The following RBFOX1 variants were observed in gnomAD, a reference collection of about 807,000 sequenced individuals.
RBFOX1 encodes RNA binding fox-1 homolog 1, also known as RNA binding protein fox-1 homolog 1.
Under a neutral mutation model 57.7 loss-of-function variants are expected in RBFOX1, and 8 were observed. The ratio of observed to expected loss-of-function variants is 0.14; its 90% CI spans 0.08 to 0.25. The LOEUF (loss-of-function observed/expected upper bound fraction) is 0.25, where lower values mean the gene tolerates loss of function less well. Among genes scored for constraint, RBFOX1 ranks in the 10% least tolerant of loss-of-function variants. The pLI is 1.00. For synonymous variants in RBFOX1, 326 were observed against 222.4 expected, an observed-to-expected ratio of 1.47 and a Z score of -4.15; for missense variants, 611 against 548.5, an observed-to-expected ratio of 1.11 and a Z score of -1.14.
At chr16:7,001,907 CCCCAAA>C (rs1210473929) in intron 3 of RBFOX1, among the ~76,000 whole-genome samples, 1 of 152,094 alleles carries the variant, frequency 6.6e-6, no homozygotes, top group Non-Finnish European at 1.5e-5. Flanking sequence ...AAGCGGGGGT[CCCCAAA>C]ATAGAAGATC....
chr16:7,271,796 T>A (rs569638798), intron 4 of RBFOX1, among the ~76,000 whole-genome samples: 54 of 152,162 alleles, frequency 3.5e-4, no homozygotes, highest in African/African-American at 1.3e-3. Context: ...TAGGCTCTTA[T>A]TGTAAATGTC....
chr16:7,006,061 C>G (rs1240336561), intron 3 of RBFOX1, among the ~76,000 whole-genome samples: 1 of 152,150 alleles, frequency 6.6e-6, no homozygotes, highest in African/African-American at 2.4e-5. Flanking sequence ...TTCTCCTTTG[C>G]AATAGGTAGT....
chr16:5,712,236 G>C (rs1275976134), intron 3 of RBFOX1, among the ~76,000 whole-genome samples: 1 of 152,208 alleles, frequency 6.6e-6, no homozygotes, highest in Non-Finnish European at 1.5e-5. Flanking sequence ...ATTACCATTT[G>C]AGATGATATT....
At chr16:6,920,504 G>A (rs995589835) in intron 3 of RBFOX1, among the ~76,000 whole-genome samples, 1 of 152,214 alleles carries the variant, frequency 6.6e-6, no homozygotes, top group Non-Finnish European at 1.5e-5. Flanking sequence ...AGAGGCTCTT[G>A]TAATTGCCAA....
intron 1 of RBFOX1, among the ~76,000 whole-genome samples, chr16:5,266,600 C>G (rs1206109150): frequency 7.1e-6 from 1 of 140,954 alleles, no homozygotes; most frequent in African/African-American, 2.7e-5. Flanking sequence ...CAGGCTGGAG[C>G]ACAGTGGCAC....
At chr16:5,736,678 C>A (rs753483075) in intron 3 of RBFOX1, among the ~76,000 whole-genome samples, 3 of 152,142 alleles carry the variant, frequency 2.0e-5, no homozygotes, top group African/African-American at 7.2e-5. Context: ...GCTGGTGTCT[C>A]TCAGATTGTC....
At chr16:7,592,044 T>G (rs2094468646) in intron 7 of RBFOX1, among the ~76,000 whole-genome samples, 1 of 151,958 alleles carries the variant, frequency 6.6e-6, no homozygotes, top group Non-Finnish European at 1.5e-5. Context: ...GCCATGCCAC[T>G]TCTTGTCTGG....
chr16:6,869,278 C>A (rs574431096), intron 3 of RBFOX1, among the ~76,000 whole-genome samples: 1 of 152,252 alleles, frequency 6.6e-6, no homozygotes, highest in South Asian at 2.1e-4. Flanking sequence ...CTCATAAGAA[C>A]CTTATCAAGT....
chr16:5,407,874 C>T (rs969566621), intron 1 of RBFOX1, among the ~76,000 whole-genome samples: 1 of 152,176 alleles, frequency 6.6e-6, no homozygotes, highest in Non-Finnish European at 1.5e-5. Context: ...TAACCCAAGT[C>T]CCGTGGGAGG....
At chr16:6,182,500 A>G (rs754442925) in intron 1 of RBFOX1, among the ~76,000 whole-genome samples, 25 of 152,278 alleles carry the variant, frequency 1.6e-4, no homozygotes, top group South Asian at 6.2e-4. Flanking sequence ...ACACGCACAT[A>G]GTCTTCATAT....
At chr16:7,596,186 A>C (rs1395333059) in intron 8 of RBFOX1, among the ~76,000 whole-genome samples, 1 of 132,062 alleles carries the variant, frequency 7.6e-6, no homozygotes, top group African/African-American at 2.9e-5. Context: ...TTTTTTTTTT[A>C]AGAAGCCAGT....
chr16:7,307,013 A>C (rs955802189), intron 4 of RBFOX1, among the ~76,000 whole-genome samples: 1 of 152,218 alleles, frequency 6.6e-6, no homozygotes, highest in Non-Finnish European at 1.5e-5. Context: ...TGGACGAATC[A>C]GGCAACATTT....
rs967314002 is a variant in RBFOX1 at position 6,162,308 on chromosome 16, G to A, written c.-127+142316G>A. ...TTCTTGTATTTTTAGTAGAGACGGG[G>A]TTTCACCATGTTGGCAGGCCAGTCT... On this transcript the variant is annotated intron_variant, in intron 1 of 15. Transcript: ENST00000550418. 3.3e-5 allele frequency among the ~76,000 whole-genome samples: 5 copies of A among 152,084 alleles called. No individual in the cohort carries two copies. In the East Asian group the frequency reaches 9.7e-4, roughly 29 times the overall value.
chr16:7,271,092 G>A (rs1261231445), intron 4 of RBFOX1, among the ~76,000 whole-genome samples: 1 of 152,176 alleles, frequency 6.6e-6, no homozygotes, highest in East Asian at 1.9e-4. Context: ...ACCTGAAATA[G>A]AGTGTATCAC....
intron 3 of RBFOX1, among the ~76,000 whole-genome samples, chr16:6,730,394 C>G (rs1341610565): frequency 6.6e-6 from 1 of 151,478 alleles, no homozygotes; most frequent in Non-Finnish European, 1.5e-5. Context: ...CTGTCTCTAT[C>G]ATCTGTGCAT....
At chr16:7,001,748 C>G (rs62016448) in intron 3 of RBFOX1, among the ~76,000 whole-genome samples, 31,332 of 152,160 alleles carry the variant, frequency 0.21, 3,662 homozygotes, top group Middle Eastern at 0.33. Context: ...TGCGTCAACA[C>G]ACTGGCCTCT....
intron 2 of RBFOX1, among the ~76,000 whole-genome samples, chr16:6,342,689 C>A (rs1355069346): frequency 6.6e-6 from 1 of 152,124 alleles, no homozygotes; most frequent in Non-Finnish European, 1.5e-5. Context: ...AACCTTTATT[C>A]CTCTAAATGC....
At position 7,675,733 on chromosome 16, in the gene RBFOX1, C is replaced by G. The variant is rs1254671280; in HGVS notation, c.931-1041C>G. 3.9e-5 allele frequency among the ~76,000 whole-genome samples: 6 copies of G among 152,144 alleles called. No individual in the cohort carries two copies. The South Asian group carries it at 1.2e-3, about 31-fold the overall frequency. On this transcript the variant is annotated intron_variant, in intron 13 of 15. Transcript: ENST00000550418. ...ATGATTCTGCTGTTGTATACCTTCT[C>G]ACACACTACTTTGTCCTGAGTTGCC...
At chr16:7,425,647 A>T (rs906209642) in intron 4 of RBFOX1, among the ~76,000 whole-genome samples, 1 of 152,210 alleles carries the variant, frequency 6.6e-6, no homozygotes, top group African/African-American at 2.4e-5. Flanking sequence ...AAAATAAATG[A>T]AATTGTTAAG....
Sources: allele counts gnomAD v4.1 joint callset (sites outside exome capture counted in the v4.1 genomes callset), GRCh38; gene constraint gnomAD v4.1.1; transcripts MANE v1.5; gene names NCBI Gene and HGNC (gene_info 2026-07-23, HGNC 2026-07-21).